Variants in APBB1IP observed in about 807,000 individuals in gnomAD.
APBB1IP encodes the protein amyloid beta A4 precursor protein-binding family B member 1-interacting protein.
APBB1IP carries 27 observed loss-of-function variants against 64.9 expected under a neutral mutation model. That is an observed-to-expected ratio of 0.42 (90% confidence interval 0.31 to 0.57). The LOEUF (loss-of-function observed/expected upper bound fraction) is 0.57. Ranked by LOEUF, APBB1IP falls within the 20% of genes least tolerant of loss-of-function variation. The probability of loss-of-function intolerance (pLI) is 0.20; values close to 1 mark genes in which losing one functional copy is unlikely to be tolerated. For synonymous variants in APBB1IP, 392 were observed against 331.0 expected (o/e 1.18, Z -2.00); for missense variants, 812 against 845.5 (o/e 0.96, Z 0.49).
At chr10:26,487,232 T>C (rs1173890807) in intron 2 of APBB1IP, among the ~76,000 whole-genome samples, 1 of 148,488 alleles carries the variant, frequency 6.7e-6, no homozygotes, top group Admixed American at 6.8e-5. Context: ...CTCTCTCTCT[T>C]TTAATCTTTA....
chr10:26,529,006 A>C (rs767103753), intron 8 of APBB1IP, among the ~76,000 whole-genome samples: 3 of 152,226 alleles, frequency 2.0e-5, no homozygotes, highest in Non-Finnish European at 2.9e-5. Context: ...ACGAACTGAT[A>C]ACTGTTTGCT....
chr10:26,441,486 G>A (rs1351940701), intron 2 of APBB1IP, among the ~76,000 whole-genome samples: 2 of 152,194 alleles, frequency 1.3e-5, no homozygotes, highest in African/African-American at 4.8e-5. Context: ...TGGGGGACTA[G>A]AGGATGTGAC....
At chr10:26,531,014 GA>G (rs776260851) in intron 8 of APBB1IP, among the ~76,000 whole-genome samples, 78 of 152,172 alleles carry the variant, frequency 5.1e-4, no homozygotes, top group Admixed American at 1.8e-3. Context: ...AAAAGTCTTG[GA>G]AAAACATATT....
chr10:26,546,108 C>T (rs936874470), intron 11 of APBB1IP, among the ~76,000 whole-genome samples: 7 of 152,220 alleles, frequency 4.6e-5, no homozygotes, highest in Admixed American at 6.5e-5. Flanking sequence ...AACTGGGTCA[C>T]TAATAAGATG....
At chr10:26,543,255 C>T (rs1036838574) in intron 11 of APBB1IP, among the ~76,000 whole-genome samples, 2 of 151,834 alleles carry the variant, frequency 1.3e-5, no homozygotes, top group African/African-American at 4.8e-5. Flanking sequence ...TCACTTGAGG[C>T]CAAGGACTCT....
chr10:26,459,991 T>C (rs1030592270), intron 2 of APBB1IP, among the ~76,000 whole-genome samples: 1 of 152,200 alleles, frequency 6.6e-6, no homozygotes, highest in Non-Finnish European at 1.5e-5. Flanking sequence ...ATTTACTTAG[T>C]CTTAAAAATA....
At chr10:26,522,391 A>G (rs1836413888) in intron 8 of APBB1IP, among the ~76,000 whole-genome samples, 1 of 152,224 alleles carries the variant, frequency 6.6e-6, no homozygotes, top group African/African-American at 2.4e-5. Flanking sequence ...CCCAAAGTCC[A>G]TAATTGACAT....
chr10:26,442,621 G>A (rs1219171329), intron 2 of APBB1IP, among the ~76,000 whole-genome samples: 1 of 152,156 alleles, frequency 6.6e-6, no homozygotes, highest in Non-Finnish European at 1.5e-5. Flanking sequence ...AGTGAATCAT[G>A]ACTAGATTCA....
chr10:26,496,346 C>G lies in APBB1IP; in HGVS notation c.115C>G (p.Pro39Ala). 6.2e-7 allele frequency: 1 copy of G among 1,612,838 alleles called. No individual in the cohort carries two copies. The highest frequency in any genetic ancestry group is 1.1e-5 in the South Asian group (1 of 91,002). Reference protein sequence around the residue: ...DTLPPPDPNPPRAEFNYSVGF... With the variant: ...DTLPPPDPNPARAEFNYSVGF... ...TCTCCCTCCTCCTGACCCTAATCCA[C>G]CCAGAGCTGAATTTAACTACAGTGT... Residue 39 changes from proline (P) to alanine (A), a missense_variant, in exon 4 of 15, where the codon CCC becomes GCC. Pro to Ala is a conservative substitution (Grantham distance 27). Around this residue, in one of 3 missense-constraint regions of APBB1IP, gnomAD observed 394 missense variants for 413.1 expected, o/e 0.95. Transcript: ENST00000376236.
intron 11 of APBB1IP, among the ~76,000 whole-genome samples, chr10:26,551,204 T>A (rs1366243311): frequency 6.6e-6 from 1 of 152,208 alleles, no homozygotes; most frequent in Non-Finnish European, 1.5e-5. Flanking sequence ...CCTCTCTTTG[T>A]CCCTTGCTGG....
intron 9 of APBB1IP, among the ~76,000 whole-genome samples, chr10:26,533,859 T>C (rs1209090707): frequency 6.6e-6 from 1 of 152,052 alleles, no homozygotes; most frequent in African/African-American, 2.4e-5. Context: ...AAGGGACCTC[T>C]AAGATGCTCT....
At chr10:26,458,715 C>T (rs934724640) in intron 2 of APBB1IP, among the ~76,000 whole-genome samples, 3 of 152,076 alleles carry the variant, frequency 2.0e-5, no homozygotes, top group Admixed American at 2.0e-4. Flanking sequence ...CCATATTTCA[C>T]TTCATGTTTT....
At chr10:26,549,848 TTG>T (rs959172795) in intron 11 of APBB1IP, among the ~76,000 whole-genome samples, 18 of 152,100 alleles carry the variant, frequency 1.2e-4, no homozygotes, top group Non-Finnish European at 1.5e-5. Flanking sequence ...TTTCATTTAT[TTG>T]TGCTCTGATC....
chr10:26,531,395 C>T (rs565937825), intron 8 of APBB1IP, among the ~76,000 whole-genome samples: 25 of 150,548 alleles, frequency 1.7e-4, no homozygotes, highest in Non-Finnish European at 3.2e-4. Context: ...CAGCCAGGCG[C>T]GGTGGCTCAT....
chr10:26,456,291 A>G (rs1425507430), intron 2 of APBB1IP, among the ~76,000 whole-genome samples: 1 of 152,174 alleles, frequency 6.6e-6, no homozygotes, highest in Non-Finnish European at 1.5e-5. Context: ...ACTAGGTGCA[A>G]TTTGCACTCT....
At chr10:26,509,804 A>T (rs1035575713) in intron 6 of APBB1IP, 1 of 152,174 alleles carries the variant, frequency 6.6e-6, no homozygotes, top group Non-Finnish European at 1.5e-5. Context: ...AATAACAATG[A>T]GTCTTATCGT....
intron 14 of APBB1IP, among the ~76,000 whole-genome samples, chr10:26,564,655 T>C (rs542159563): frequency 1.3e-5 from 2 of 151,990 alleles, no homozygotes; most frequent in South Asian, 2.1e-4. Context: ...GTACAAAAAT[T>C]AGCTGGGGGT....
intron 10 of APBB1IP, among the ~76,000 whole-genome samples, chr10:26,540,160 C>T (rs536676727): frequency 1.2e-3 from 186 of 152,324 alleles, no homozygotes; most frequent in South Asian, 2.7e-3. Flanking sequence ...AACTTCTAAT[C>T]ATCTGTAGTA....
At chr10:26,479,601 C>A (rs1171712509) in intron 2 of APBB1IP, among the ~76,000 whole-genome samples, 2 of 151,672 alleles carry the variant, frequency 1.3e-5, no homozygotes, top group Non-Finnish European at 2.9e-5. Flanking sequence ...TGAAAAAAAA[C>A]AATAAAAATA....
Sources: allele counts gnomAD v4.1 joint callset (sites outside exome capture counted in the v4.1 genomes callset), GRCh38; gene constraint gnomAD v4.1.1; regional missense constraint gnomAD v4.1.1; transcripts MANE v1.5; gene names NCBI Gene and HGNC (gene_info 2026-07-23, HGNC 2026-07-21).